The following FAAP100 variants were observed in gnomAD, a reference collection of about 807,000 sequenced individuals.
FAAP100 encodes the protein Fanconi anemia core complex-associated protein 100.
In FAAP100, 46 loss-of-function variants were observed where a neutral mutation model predicts 65.8. That is an observed-to-expected ratio of 0.70 (90% CI 0.55 to 0.89). FAAP100 has a LOEUF of 0.89. FAAP100 is among the 40% of genes least tolerant of loss of function. FAAP100 has a pLI of 0.00. For synonymous variants in FAAP100, 663 were observed against 555.1 expected, an observed-to-expected ratio of 1.19 and a Z score of -2.73; for missense variants, 1,165 against 1,196.7, an observed-to-expected ratio of 0.97 and a Z score of 0.39.
chr17:81,550,102 G>C, intron 3 of FAAP100, 146 bp downstream of exon 3: 1 of 795,250 alleles, frequency 1.3e-6, no homozygotes, highest in Non-Finnish European at 2.0e-6. Flanking sequence ...CTTGAGACAA[G>C]AGAGTTAACC....
chr17:81,552,306 G>T lies in FAAP100; in HGVS notation c.25C>A (p.Arg9Ser). ...GGGCAGCAGAAGCCCGCCAGGTAGCGGACCCGCGGCGCGGCGCCGGCCATC... is the reference window on the plus strand; with the variant it reads ...GGGCAGCAGAAGCCCGCCAGGTAGCTGACCCGCGGCGCGGCGCCGGCCATC... MAGAAPRVRYLAGFCCPLG... is the reference protein window; with the variant it reads MAGAAPRVSYLAGFCCPLG... The change falls in exon 1 of 9, where the codon CGC (arginine) becomes AGC (serine). Residue 9 changes from arginine to serine, a missense_variant. Arg to Ser is a moderately radical substitution (Grantham distance 110). Transcript: ENST00000327787. The T allele has an allele frequency of 7.0e-7, 1 of 1,423,772 alleles. No individual in the cohort carries two copies. The highest frequency in any genetic ancestry group is 9.1e-7 in the Non-Finnish European group (1 of 1,097,772). 88.2% of individuals were successfully genotyped at this position (1,423,772 alleles called of 1,614,324 possible). A position where few individuals can be genotyped will look rare whatever the true frequency, so the allele number is the denominator to read the frequency against.
chr17:81,540,262 T>C lies in FAAP100; in HGVS notation c.*557A>G, dbSNP rs1689273041. On this transcript the variant is annotated 3_prime_UTR_variant, in exon 9 of 9. Transcript: ENST00000327787. ...CTGCATGCTGTTTTGTGCTTTGGTCTCAGGGAGCACCCTCCTACCTCGGGG... is the reference window on the plus strand; with the variant it reads ...CTGCATGCTGTTTTGTGCTTTGGTCCCAGGGAGCACCCTCCTACCTCGGGG... 2.5e-6 allele frequency: 1 copy of C among 399,116 alleles called. No homozygotes were observed. Among genetic ancestry groups the C allele is most frequent in the Admixed American group, 4.4e-5 (1 of 22,780 alleles). 24.7% of individuals were successfully genotyped at this position (399,116 alleles called of 1,614,324 possible).
At chr17:81,543,864 C>T (rs1428163016) in intron 7 of FAAP100, 140 bp downstream of exon 7, 6 of 748,866 alleles carry the variant, frequency 8.0e-6, no homozygotes, top group African/African-American at 3.5e-5. Flanking sequence ...CCGCACTCAG[C>T]GGCAGAGCAG....
At position 81,547,618 on chromosome 17, in the gene FAAP100, C is replaced by T. The variant is rs2033357802; in HGVS notation, c.1464G>A (p.Glu488=). 4 of 1,613,130 alleles carry T rather than the reference C, an allele frequency of 2.5e-6. No homozygotes were observed. Among genetic ancestry groups the T allele is most frequent in the Admixed American group, 1.7e-5 (1 of 60,006 alleles). The change falls in exon 5 of 9, where the codon GAG becomes GAA. Residue 488 remains glutamate, a synonymous_variant. Coordinates refer to ENST00000327787, the MANE Select transcript of FAAP100 (RefSeq NM_025161.6). ...GCAGTGCACAGCTCACGTTCATGGC[C>T]TCGTTGAGGCTTGTCAGTGCCTTGT... The part of the protein sequence containing the change: ...QRNKALTSLN[E]AMNVSCALLS...
chr17:81,540,209 C>G lies in FAAP100; in HGVS notation c.*610G>C. Reference sequence around the variant, plus strand: ...CCGCTGGCCCTTCCTTGGTGTGGCACGAGACCACGGGCACTTGCAGGAGCT... The same window carrying G: ...CCGCTGGCCCTTCCTTGGTGTGGCAGGAGACCACGGGCACTTGCAGGAGCT... On this transcript the variant is annotated 3_prime_UTR_variant, in exon 9 of 9. Transcript: ENST00000327787. 1 of 399,038 alleles carries G rather than the reference C, an allele frequency of 2.5e-6. No homozygotes were observed. Among genetic ancestry groups the G allele is most frequent in the Admixed American group, 4.4e-5 (1 of 22,752 alleles). The allele number at this position is 399,038 out of a possible 1,614,324, so 24.7% of individuals were successfully genotyped here.
intron 5 of FAAP100, chr17:81,546,642 G>A (rs866516674): frequency 3.7e-5 from 14 of 376,580 alleles, no homozygotes; most frequent in Middle Eastern, 1.3e-3. Flanking sequence ...TCGCTGGGCT[G>A]GGGGGCCAGG....
rs2033057187 is a variant in FAAP100, at chr17:81,540,690, C to T, written c.*129G>A. On this transcript the variant is annotated 3_prime_UTR_variant, in exon 9 of 9. Transcript: ENST00000327787. The stretch of plus-strand genomic sequence containing the variant: ...CACTTTCATGAGCGTTCTGCTCCTA[C>T]GTGGCCAGGTCCTACCTTCCCTGAC... 16 of 1,238,254 alleles carry T rather than the reference C, an allele frequency of 1.3e-5. No individual in the cohort carries two copies. Among genetic ancestry groups the T allele is most frequent in the South Asian group, 1.8e-5 (1 of 56,202 alleles). The allele number at this position is 1,238,254 out of a possible 1,614,324, so 76.7% of individuals were successfully genotyped here.
Position 81,550,302 on chromosome 17 carries a change from T to C in FAAP100, c.1192A>G (p.Ser398Gly). 6.2e-7 allele frequency: 1 copy of C among 1,612,366 alleles called. No individual in the cohort carries two copies. Among genetic ancestry groups the C allele is most frequent in the Non-Finnish European group, 8.5e-7 (1 of 1,179,694 alleles). The change falls in exon 3 of 9, where the codon AGC becomes GGC. Residue 398 changes from serine to glycine, a missense_variant. Coordinates refer to ENST00000327787, the MANE Select transcript of FAAP100 (RefSeq NM_025161.6). ...GGLPPMLCPA[S>G]LNICSVVSLS... is the part of the protein sequence containing the mutation. The stretch of plus-strand genomic sequence containing the variant: ...GAGACGACACTGCAGATGTTCAGGC[T>C]GGCTGGGCACAGCATGGGGGGCAGG...
Position 81,547,014 on chromosome 17 carries a change from G to A in FAAP100, c.2068C>T (p.Pro690Ser), listed in dbSNP as rs771033439. 1 of 1,538,478 alleles carries A rather than the reference G, an allele frequency of 6.5e-7. No homozygotes were observed. Among genetic ancestry groups the A allele is most frequent in the African/African-American group, 1.4e-5 (1 of 72,488 alleles). ...LETCREPGSQ[P>S]AGPASLRAEY... ...GCCCGCAGGGAGGCGGGTCCTGCTG[G>A]CTGGCTGCCAGGCTCCCGACAAGTT... The change falls in exon 5 of 9, where the codon CCA (proline) becomes TCA (serine). Residue 690 changes from proline to serine, a missense_variant. Pro to Ser is a moderately conservative substitution (Grantham distance 74). Coordinates refer to ENST00000327787, the MANE Select transcript of FAAP100 (RefSeq NM_025161.6).
upstream of FAAP100, among the ~76,000 whole-genome samples, chr17:81,552,635 G>C (rs1349595512): frequency 6.6e-6 from 1 of 152,200 alleles, no homozygotes. Flanking sequence ...GGTTCCCCAG[G>C]GTGGGGAAGC....
At position 81,541,632 on chromosome 17, in the gene FAAP100, G is replaced by T. The variant is rs576171701; in HGVS notation, c.2428-237C>A. 1.1e-4 allele frequency among the ~76,000 whole-genome samples: 16 copies of T among 152,320 alleles called. 3 individuals carry two copies. The South Asian group carries it at 3.3e-3, about 32-fold the overall frequency. On this transcript the variant is annotated intron_variant, in intron 7 of 8. Transcript: ENST00000327787. ...AGTTTCTTGGAAGCGAACTCGTTTGGTTCTTTTCTCTCCATCGCTGGGATC... is the reference window on the plus strand; with the variant it reads ...AGTTTCTTGGAAGCGAACTCGTTTGTTTCTTTTCTCTCCATCGCTGGGATC...
rs1458482863 is a variant in FAAP100 at position 81,551,945 on chromosome 17, G to A, written c.273C>T (p.Asp91=). 1 of 1,561,356 alleles carries A rather than the reference G, an allele frequency of 6.4e-7. No homozygotes were observed. The highest frequency in any genetic ancestry group is 8.6e-7 in the Non-Finnish European group (1 of 1,162,950). Residue 91 remains aspartate (D), a synonymous_variant, in exon 2 of 9, where the codon GAC becomes GAT. Coordinates refer to ENST00000327787, the MANE Select transcript of FAAP100 (RefSeq NM_025161.6). ...ARRGLYCLSL[D]HPGRSRSTSQ... is the part of the protein sequence containing the mutation. Reference sequence around the variant, plus strand: ...GCCCTCACCTGCTCCTGCCCGGGTGGTCCAGCGACAGGCAGTAGAGGCCCC... The same window carrying A: ...GCCCTCACCTGCTCCTGCCCGGGTGATCCAGCGACAGGCAGTAGAGGCCCC...
chr17:81,553,125 G>A (rs1340349271), upstream of FAAP100: 3 of 170,594 alleles, frequency 1.8e-5, no homozygotes, highest in Non-Finnish European at 1.3e-5. Context: ...TCCATGCCCG[G>A]AAGAGAGCGG....
chr17:81,546,971 G>C lies in FAAP100; in HGVS notation c.2111C>G (p.Ser704Cys). Reference protein sequence around the residue: ...ASLRAEYLPPSVASIKVSAEL... With the variant: ...ASLRAEYLPPCVASIKVSAEL... Reference sequence around the variant, plus strand: ...CGCCGACACCTTGATGGAAGCCACAGATGGGGGCAGGTACTCGGCCCGCAG... The same window carrying C: ...CGCCGACACCTTGATGGAAGCCACACATGGGGGCAGGTACTCGGCCCGCAG... Residue 704 changes from serine to cysteine, a missense_variant, in exon 5 of 9, where the codon TCT becomes TGT. By Grantham distance (112) the Ser-to-Cys change is moderately radical. Coordinates refer to ENST00000327787, the MANE Select transcript of FAAP100 (RefSeq NM_025161.6). The C allele has an allele frequency of 6.8e-7, 1 of 1,481,242 alleles. No homozygotes were observed. Among genetic ancestry groups the C allele is most frequent in the South Asian group, 1.4e-5 (1 of 72,790 alleles). The allele number at this position is 1,481,242 out of a possible 1,614,324, so 91.8% of individuals were successfully genotyped here. A position where few individuals can be genotyped will look rare whatever the true frequency, so the allele number is the denominator to read the frequency against.
chr17:81,541,321 G>A lies in FAAP100; in HGVS notation c.2502C>T (p.His834=), dbSNP rs760772141. 68 of 1,611,492 alleles carry A rather than the reference G, an allele frequency of 4.2e-5. No homozygotes were observed. Among genetic ancestry groups the A allele is most frequent in the Non-Finnish European group, 5.1e-5 (60 of 1,179,720 alleles). ...ACCGGGTGCTCACCTCGTGGTTGGC[G>A]TGGATCTGGCGGAGGTACTGCACAC... is the stretch of plus-strand genomic sequence containing the variant. ...DLRVQYLRQI[H]ANHETLLREV... The change falls in exon 8 of 9, where the codon CAC becomes CAT. Residue 834 remains histidine (H), a synonymous_variant. Coordinates refer to ENST00000327787, the MANE Select transcript of FAAP100 (RefSeq NM_025161.6).
Position 81,541,334 on chromosome 17 carries a change from A to G in FAAP100, c.2489T>C (p.Leu830Pro). 6.2e-7 allele frequency: 1 copy of G among 1,611,796 alleles called. No homozygotes were observed. Among genetic ancestry groups the G allele is most frequent in the Non-Finnish European group, 8.5e-7 (1 of 1,179,814 alleles). Residue 830 changes from leucine (L) to proline (P), a missense_variant, in exon 8 of 9, where the codon CTC becomes CCC. By Grantham distance (98) the Leu-to-Pro change is moderately conservative. Coordinates refer to ENST00000327787, the MANE Select transcript of FAAP100 (RefSeq NM_025161.6). ...SSAPDLRVQY[L>P]RQIHANHETL... ...CTCGTGGTTGGCGTGGATCTGGCGG[A>G]GGTACTGCACACGGAGATCAGGAGC...
At chr17:81,549,870 G>A (rs572415562) in intron 3 of FAAP100, among the ~76,000 whole-genome samples, 3 of 152,356 alleles carry the variant, frequency 2.0e-5, no homozygotes, top group African/African-American at 7.2e-5. Context: ...ACGAGCAAGC[G>A]TTTGCAGCCT....
intron 7 of FAAP100, among the ~76,000 whole-genome samples, chr17:81,543,073 T>C (rs2033176790): frequency 6.6e-6 from 1 of 152,014 alleles, no homozygotes. Flanking sequence ...CACAGGGTCC[T>C]TGCACCAAAT....
intron 8 of FAAP100, 104 bp downstream of exon 8, chr17:81,541,205 C>T (rs1404640605): frequency 1.9e-5 from 25 of 1,303,250 alleles, no homozygotes; most frequent in East Asian, 4.8e-5. Context: ...GAAGCCCATG[C>T]GCTGTGAGGA....
Sources: allele counts gnomAD v4.1 joint callset (sites outside exome capture counted in the v4.1 genomes callset), GRCh38; gene constraint gnomAD v4.1.1; transcripts MANE v1.5; gene names NCBI Gene and HGNC (gene_info 2026-07-23, HGNC 2026-07-21).